OLIG1: variants seen among roughly 807,000 people sequenced by gnomAD.
The protein encoded by OLIG1 is oligodendrocyte transcription factor 1, also known as basic domain, helix-loop-helix protein, class B, 6.
Under a neutral mutation model 13.5 loss-of-function variants are expected in OLIG1, and 9 were observed. The ratio of observed to expected loss-of-function variants is 0.67; its 90% CI spans 0.40 to 1.17. The LOEUF (loss-of-function observed/expected upper bound fraction) is 1.17. Ranked by LOEUF, OLIG1 falls within the 50% of genes most tolerant of loss-of-function variation. OLIG1 has a pLI of 0.01. For missense variants in OLIG1, 362 were observed against 392.2 expected, an observed-to-expected ratio of 0.92 and a Z score of 0.65; for synonymous variants, 215 against 208.3, an observed-to-expected ratio of 1.03 and a Z score of -0.28.
Position 33,071,369 on chromosome 21 carries a change from G to A in OLIG1, c.*307G>A. 1 of 234,028 alleles carries A rather than the reference G, an allele frequency of 4.3e-6. No homozygotes were observed. Among genetic ancestry groups the A allele is most frequent in the Non-Finnish European group, 9.0e-6 (1 of 111,440 alleles). The allele number at this position is 234,028 out of a possible 1,614,324, so 14.5% of individuals were successfully genotyped here. A position where few individuals can be genotyped will look rare whatever the true frequency, so the allele number is the denominator to read the frequency against. On this transcript the variant is annotated 3_prime_UTR_variant, in exon 1 of 1. Transcript: ENST00000382348. This position sits in a 1 kb window ranked among gnomAD's most constrained non-coding sequence, Gnocchi z 6.0. ...TCTCTCCTTGTCCCTGGAGTTGCGC[G>A]CTTCGCGGGGCCGATGTAGAACTTA...
In OLIG1 at chr21:33,070,507, C is replaced by T. The variant is rs1036655291; in HGVS notation, c.261C>T (p.Gly87=). The T allele has an allele frequency of 2.0e-6, 3 of 1,502,350 alleles. No individual in the cohort carries two copies. Among genetic ancestry groups the T allele is most frequent in the African/African-American group, 2.9e-5 (2 of 68,834 alleles). 93.1% of individuals were successfully genotyped at this position (1,502,350 alleles called of 1,614,324 possible). A position where few individuals can be genotyped will look rare whatever the true frequency, so the allele number is the denominator to read the frequency against. ...AEPPGPGPGS[G]AHPGGSARPD... The stretch of plus-strand genomic sequence containing the variant: ...CTCCAGGCCCCGGGCCCGGGTCAGG[C>T]GCGCACCCGGGCGGCAGCGCCCGGC... The change falls in exon 1 of 1, where the codon GGC becomes GGT. Residue 87 remains glycine, a synonymous_variant. Transcript: ENST00000382348. The surrounding 1 kb of genome is among the most constrained non-coding windows in gnomAD (Gnocchi z 5.9).
rs1982188896 is a variant in OLIG1 at position 33,070,514 on chromosome 21, C to A, written c.268C>A (p.Pro90Thr). Residue 90 changes from proline (P) to threonine (T), a missense_variant, in exon 1 of 1, where the codon CCG (proline) becomes ACG (threonine). Pro to Thr is a conservative substitution (Grantham distance 38). Around this residue, in one of 3 missense-constraint regions of OLIG1, gnomAD observed 206 missense variants for 197.2 expected, o/e 1.04. Transcript: ENST00000382348. This position sits in a 1 kb window ranked among gnomAD's most constrained non-coding sequence, Gnocchi z 5.9. The stretch of plus-strand genomic sequence containing the variant: ...CCCCGGGCCCGGGTCAGGCGCGCAC[C>A]CGGGCGGCAGCGCCCGGCCGGACGC... ...PGPGPGSGAH[P>T]GGSARPDAKE... is the part of the protein sequence containing the mutation. 2 of 1,499,026 alleles carry A rather than the reference C, an allele frequency of 1.3e-6. No homozygotes were observed. The highest frequency in any genetic ancestry group is 1.8e-6 in the Non-Finnish European group (2 of 1,129,998). The allele number at this position is 1,499,026 out of a possible 1,614,324, so 92.9% of individuals were successfully genotyped here. A position where few individuals can be genotyped will look rare whatever the true frequency, so the allele number is the denominator to read the frequency against.
rs1170507348 is a variant in OLIG1 at position 33,070,529 on chromosome 21, C to T, written c.283C>T (p.Arg95Trp). 51 of 1,499,984 alleles carry T rather than the reference C, an allele frequency of 3.4e-5. No individual in the cohort carries two copies. The highest frequency in any genetic ancestry group is 4.2e-5 in the Non-Finnish European group (47 of 1,130,440). 92.9% of individuals were successfully genotyped at this position (1,499,984 alleles called of 1,614,324 possible). Residue 95 changes from arginine to tryptophan, a missense_variant, in exon 1 of 1, where the codon CGG becomes TGG. By Grantham distance (101) the Arg-to-Trp change is moderately radical. Around this residue, in one of 3 missense-constraint regions of OLIG1, gnomAD observed 206 missense variants for 197.2 expected, o/e 1.04. Transcript: ENST00000382348. This position sits in a 1 kb window ranked among gnomAD's most constrained non-coding sequence, Gnocchi z 5.9. ...AGGCGCGCACCCGGGCGGCAGCGCC[C>T]GGCCGGACGCCAAGGAGGAGCAGCA... ...GSGAHPGGSA[R>W]PDAKEEQQQQ...
Position 33,070,927 on chromosome 21 carries a change from G to C in OLIG1, c.681G>C (p.Pro227=). 5 of 1,446,232 alleles carry C rather than the reference G, an allele frequency of 3.5e-6. No individual in the cohort carries two copies. Among genetic ancestry groups the C allele is most frequent in the Non-Finnish European group, 4.5e-6 (5 of 1,105,792 alleles). The allele number at this position is 1,446,232 out of a possible 1,614,324, so 89.6% of individuals were successfully genotyped here. ...ACCTGTCGCTGGCGCTGGACGAGCC[G>C]CCGTGCGGCCAGTTCGCTCTCCCCG... The part of the protein sequence containing the change: ...AKYLSLALDE[P]PCGQFALPGG... The change falls in exon 1 of 1, where the codon CCG becomes CCC. Residue 227 remains proline (P), a synonymous_variant. Coordinates refer to ENST00000382348, the MANE Select transcript of OLIG1 (RefSeq NM_138983.3). This position sits in a 1 kb window ranked among gnomAD's most constrained non-coding sequence, Gnocchi z 5.9.
chr21:33,070,541 A>AAGGAGGAGC lies in OLIG1; in HGVS notation c.298_306dup (p.Glu100_Gln102dup). On this transcript the variant is annotated inframe_insertion, in exon 1 of 1. Transcript: ENST00000382348. This position sits in a 1 kb window ranked among gnomAD's most constrained non-coding sequence, Gnocchi z 5.9. ...GGGCGGCAGCGCCCGGCCGGACGCC[A>AAGGAGGAGC]AGGAGGAGCAGCAGCAGCAGCTGCG... The AAGGAGGAGC allele has an allele frequency of 6.6e-7, 1 of 1,508,078 alleles. No individual in the cohort carries two copies. The highest frequency in any genetic ancestry group is 8.8e-7 in the Non-Finnish European group (1 of 1,134,092). 93.4% of individuals were successfully genotyped at this position (1,508,078 alleles called of 1,614,324 possible). A position where few individuals can be genotyped will look rare whatever the true frequency, so the allele number is the denominator to read the frequency against.
Position 33,070,215 on chromosome 21 carries a change from G to A in OLIG1, c.-32G>A. The A allele has an allele frequency of 6.7e-7, 1 of 1,494,008 alleles. No individual in the cohort carries two copies. Among genetic ancestry groups the A allele is most frequent in the Non-Finnish European group, 8.9e-7 (1 of 1,117,442 alleles). The allele number at this position is 1,494,008 out of a possible 1,614,324, so 92.5% of individuals were successfully genotyped here. ...CGGCCCACCCCAGGGCGTTCCTGAA[G>A]GGCGTCCTCGGCCGCCCCCACCGCC... On this transcript the variant is annotated 5_prime_UTR_variant, in exon 1 of 1. Coordinates refer to ENST00000382348, the MANE Select transcript of OLIG1 (RefSeq NM_138983.3). The surrounding 1 kb of genome is among the most constrained non-coding windows in gnomAD (Gnocchi z 5.9).
chr21:33,071,035 C>T lies in OLIG1; in HGVS notation c.789C>T (p.Ala263=). 1 of 1,509,590 alleles carries T rather than the reference C, an allele frequency of 6.6e-7. No individual in the cohort carries two copies. The highest frequency in any genetic ancestry group is 1.4e-5 in the African/African-American group (1 of 69,188). The allele number at this position is 1,509,590 out of a possible 1,614,324, so 93.5% of individuals were successfully genotyped here. Residue 263 remains alanine (A), a synonymous_variant, in exon 1 of 1, where the codon GCC becomes GCT. Transcript: ENST00000382348. The surrounding 1 kb of genome is among the most constrained non-coding windows in gnomAD (Gnocchi z 6.0). ...TGGTCCCGGCCAGCCTGGGCCTGGC[C>T]GCCGTGCAGGCGCAATTCTCCAAGT... The part of the protein sequence containing the change: ...PHLVPASLGL[A]AVQAQFSK
rs914351140 is a variant in OLIG1 at position 33,071,825 on chromosome 21, G to GTT, written c.*766_*767dup. 4 of 167,096 alleles carry GTT rather than the reference G, an allele frequency of 2.4e-5. No individual in the cohort carries two copies. Among genetic ancestry groups the GTT allele is most frequent in the African/African-American group, 9.7e-5 (4 of 41,446 alleles). The allele number at this position is 167,096 out of a possible 1,614,324, so 10.4% of individuals were successfully genotyped here. On this transcript the variant is annotated 3_prime_UTR_variant, in exon 1 of 1. Transcript: ENST00000382348. The surrounding 1 kb of genome is among the most constrained non-coding windows in gnomAD (Gnocchi z 6.0). ...CGTATCCAGTGTTTTGTCGCAGAGA[G>GTT]TTTTCGCTCTTAAATCCTGGGGGTT...
In OLIG1 at chr21:33,070,208, TC is replaced by T; in HGVS notation, c.-37del. Reference sequence around the variant, plus strand: ...TGCCGACCGGCCCACCCCAGGGCGTTCCTGAAGGGCGTCCTCGGCCGCCCCC... The same window carrying T: ...TGCCGACCGGCCCACCCCAGGGCGTTCTGAAGGGCGTCCTCGGCCGCCCCC... On this transcript the variant is annotated 5_prime_UTR_variant, in exon 1 of 1. Transcript: ENST00000382348. The surrounding 1 kb of genome is among the most constrained non-coding windows in gnomAD (Gnocchi z 5.9). The T allele has an allele frequency of 6.7e-7, 1 of 1,485,518 alleles. No individual in the cohort carries two copies. The highest frequency in any genetic ancestry group is 1.4e-5 in the African/African-American group (1 of 69,092). 92.0% of individuals were successfully genotyped at this position (1,485,518 alleles called of 1,614,324 possible). A position where few individuals can be genotyped will look rare whatever the true frequency, so the allele number is the denominator to read the frequency against.
chr21:33,071,546 G>T lies in OLIG1; in HGVS notation c.*484G>T. On this transcript the variant is annotated 3_prime_UTR_variant, in exon 1 of 1. Transcript: ENST00000382348. The surrounding 1 kb of genome is among the most constrained non-coding windows in gnomAD (Gnocchi z 6.0). ...GGGGTGGTTCTTTTCCTTCTCCTCC[G>T]CCAGAGGCCACGGGCGCCCTTGTTC... The T allele has an allele frequency of 6.1e-6, 1 of 164,568 alleles. No homozygotes were observed. The allele number at this position is 164,568 out of a possible 1,614,324, so 10.2% of individuals were successfully genotyped here. A position where few individuals can be genotyped will look rare whatever the true frequency, so the allele number is the denominator to read the frequency against.
Position 33,070,558 on chromosome 21 carries a change from G to A in OLIG1, c.312G>A (p.Gln104=), listed in dbSNP as rs1433295193. The change falls in exon 1 of 1, where the codon CAG becomes CAA. Residue 104 remains glutamine, a synonymous_variant. Coordinates refer to ENST00000382348, the MANE Select transcript of OLIG1 (RefSeq NM_138983.3). This position sits in a 1 kb window ranked among gnomAD's most constrained non-coding sequence, Gnocchi z 5.9. The part of the protein sequence containing the change: ...ARPDAKEEQQ[Q]QLRRKINSRE... The stretch of plus-strand genomic sequence containing the variant: ...CGGACGCCAAGGAGGAGCAGCAGCA[G>A]CAGCTGCGGCGCAAGATCAACAGCC... The A allele has an allele frequency of 6.6e-7, 1 of 1,523,432 alleles. No homozygotes were observed. Among genetic ancestry groups the A allele is most frequent in the Non-Finnish European group, 8.8e-7 (1 of 1,141,854 alleles). The allele number at this position is 1,523,432 out of a possible 1,614,324, so 94.4% of individuals were successfully genotyped here.
rs552498250 is a variant in OLIG1, at chr21:33,070,370, C to CCCTCCT, written c.139_144dup (p.Ser47_Ser48dup). 5,534 of 1,539,772 alleles carry CCCTCCT rather than the reference C, an allele frequency of 3.6e-3. 13 individuals are homozygous for CCCTCCT. The highest frequency in any genetic ancestry group is 4.3e-3 in the Non-Finnish European group (4,902 of 1,143,608). On this transcript the variant is annotated inframe_insertion, in exon 1 of 1. Transcript: ENST00000382348. The surrounding 1 kb of genome is among the most constrained non-coding windows in gnomAD (Gnocchi z 5.9). ...CGAGCTGGTGGGCTACAGGCAGCCGCCCTCCTCCTCCTCCTCCTCCACCTC... is the reference window on the plus strand; with the variant it reads ...CGAGCTGGTGGGCTACAGGCAGCCGCCCTCCTCCTCCTCCTCCTCCTCCTCCACCTC...
chr21:33,070,873 A>AC lies in OLIG1; in HGVS notation c.633dup (p.Asp212ArgfsTer121). The AC allele has an allele frequency of 1.6e-6, 2 of 1,279,216 alleles. No homozygotes were observed. Among genetic ancestry groups the AC allele is most frequent in the East Asian group, 3.3e-5 (1 of 30,574 alleles). The allele number at this position is 1,279,216 out of a possible 1,614,324, so 79.2% of individuals were successfully genotyped here. A position where few individuals can be genotyped will look rare whatever the true frequency, so the allele number is the denominator to read the frequency against. ...TGCTGCTGGCGCCCGGCGCCGTAGG[A>AC]CCCCCCGACGCGCTGCGCCCCGCCA... On this transcript the variant is annotated frameshift_variant, in exon 1 of 1. Transcript: ENST00000382348. LOFTEE classifies it high-confidence loss of function. This position sits in a 1 kb window ranked among gnomAD's most constrained non-coding sequence, Gnocchi z 5.9.
At position 33,071,038 on chromosome 21, in the gene OLIG1, C is replaced by A. The variant is rs369461854; in HGVS notation, c.792C>A (p.Ala264=). 5.5e-3 allele frequency: 8,245 copies of A among 1,508,888 alleles called. 28 individuals carry two copies. The highest frequency in any genetic ancestry group is 6.7e-3 in the Non-Finnish European group (7,574 of 1,133,856). 93.5% of individuals were successfully genotyped at this position (1,508,888 alleles called of 1,614,324 possible). A position where few individuals can be genotyped will look rare whatever the true frequency, so the allele number is the denominator to read the frequency against. ...TCCCGGCCAGCCTGGGCCTGGCCGC[C>A]GTGCAGGCGCAATTCTCCAAGTGAG... ...HLVPASLGLA[A]VQAQFSK The change falls in exon 1 of 1, where the codon GCC becomes GCA. Residue 264 remains alanine, a synonymous_variant. Coordinates refer to ENST00000382348, the MANE Select transcript of OLIG1 (RefSeq NM_138983.3). The surrounding 1 kb of genome is among the most constrained non-coding windows in gnomAD (Gnocchi z 6.0).
Position 33,070,192 on chromosome 21 carries a change from G to A in OLIG1, c.-55G>A. The A allele has an allele frequency of 7.0e-7, 1 of 1,432,568 alleles. No homozygotes were observed. Among genetic ancestry groups the A allele is most frequent in the South Asian group, 1.4e-5 (1 of 69,032 alleles). 88.7% of individuals were successfully genotyped at this position (1,432,568 alleles called of 1,614,324 possible). A position where few individuals can be genotyped will look rare whatever the true frequency, so the allele number is the denominator to read the frequency against. The stretch of plus-strand genomic sequence containing the variant: ...GCGGGGAGGGGCGGCCTGCCGACCG[G>A]CCCACCCCAGGGCGTTCCTGAAGGG... On this transcript the variant is annotated 5_prime_UTR_variant, in exon 1 of 1. Coordinates refer to ENST00000382348, the MANE Select transcript of OLIG1 (RefSeq NM_138983.3). This position sits in a 1 kb window ranked among gnomAD's most constrained non-coding sequence, Gnocchi z 5.9.
In OLIG1 at chr21:33,070,935, G is replaced by C; in HGVS notation, c.689G>C (p.Gly230Ala). 4 of 1,454,518 alleles carry C rather than the reference G, an allele frequency of 2.8e-6. No individual in the cohort carries two copies. In the South Asian group the frequency reaches 5.3e-5, roughly 19 times the overall value. 90.1% of individuals were successfully genotyped at this position (1,454,518 alleles called of 1,614,324 possible). A position where few individuals can be genotyped will look rare whatever the true frequency, so the allele number is the denominator to read the frequency against. The stretch of plus-strand genomic sequence containing the variant: ...CTGGCGCTGGACGAGCCGCCGTGCG[G>C]CCAGTTCGCTCTCCCCGGCGGCGGC... ...LSLALDEPPCGQFALPGGGAG... is the reference protein window; with the variant it reads ...LSLALDEPPCAQFALPGGGAG... Residue 230 changes from glycine to alanine, a missense_variant, in exon 1 of 1, where the codon GGC (glycine) becomes GCC (alanine). Physicochemically the swap from Gly to Ala is moderately conservative, Grantham distance 60. This residue lies in a region of OLIG1 where 94 missense variants were observed against 146.0 expected (regional missense o/e 0.64). Coordinates refer to ENST00000382348, the MANE Select transcript of OLIG1 (RefSeq NM_138983.3). The surrounding 1 kb of genome is among the most constrained non-coding windows in gnomAD (Gnocchi z 5.9).
rs1419908227 is a variant in OLIG1, at chr21:33,070,393, C to T, written c.147C>T (p.Thr49=). 2 of 1,539,328 alleles carry T rather than the reference C, an allele frequency of 1.3e-6. No individual in the cohort carries two copies. Among genetic ancestry groups the T allele is most frequent in the Non-Finnish European group, 1.7e-6 (2 of 1,144,458 alleles). Residue 49 remains threonine, a synonymous_variant, in exon 1 of 1, where the codon ACC becomes ACT. Transcript: ENST00000382348. The surrounding 1 kb of genome is among the most constrained non-coding windows in gnomAD (Gnocchi z 5.9). Reference sequence around the variant, plus strand: ...CGCCCTCCTCCTCCTCCTCCTCCACCTCCTCCACCTCCTCCACTTCCTCCT... The same window carrying T: ...CGCCCTCCTCCTCCTCCTCCTCCACTTCCTCCACCTCCTCCACTTCCTCCT... ...RQPPSSSSSS[T]SSTSSTSSSS...
In OLIG1 at chr21:33,070,221, C is replaced by G; in HGVS notation, c.-26C>G. On this transcript the variant is annotated 5_prime_UTR_variant, in exon 1 of 1. Coordinates refer to ENST00000382348, the MANE Select transcript of OLIG1 (RefSeq NM_138983.3). The surrounding 1 kb of genome is among the most constrained non-coding windows in gnomAD (Gnocchi z 5.9). Reference sequence around the variant, plus strand: ...ACCCCAGGGCGTTCCTGAAGGGCGTCCTCGGCCGCCCCCACCGCCTCCCAG... The same window carrying G: ...ACCCCAGGGCGTTCCTGAAGGGCGTGCTCGGCCGCCCCCACCGCCTCCCAG... 6.7e-7 allele frequency: 1 copy of G among 1,499,936 alleles called. No individual in the cohort carries two copies. Among genetic ancestry groups the G allele is most frequent in the Non-Finnish European group, 8.9e-7 (1 of 1,120,026 alleles). The allele number at this position is 1,499,936 out of a possible 1,614,324, so 92.9% of individuals were successfully genotyped here. A position where few individuals can be genotyped will look rare whatever the true frequency, so the allele number is the denominator to read the frequency against.
Position 33,070,668 on chromosome 21 carries a change from AG to A in OLIG1, c.425del (p.Gly142AlafsTer10). ...VILPYSAAHC[Q>X]GAPGRKLSKI... The stretch of plus-strand genomic sequence containing the variant: ...CTGCCCTACTCAGCGGCGCACTGCC[AG>A]GGCGCGCCCGGCCGCAAGCTCTCCA... On this transcript the variant is annotated frameshift_variant, in exon 1 of 1. Transcript: ENST00000382348. LOFTEE classifies it high-confidence loss of function. This position sits in a 1 kb window ranked among gnomAD's most constrained non-coding sequence, Gnocchi z 5.9. 6.5e-7 allele frequency: 1 copy of A among 1,548,856 alleles called. No individual in the cohort carries two copies.
Sources: gnomAD v4.1 joint callset for allele counts on GRCh38, gnomAD v4.1.1 for gene constraint, gnomAD v4.1.1 regional missense constraint, Gnocchi (gnomAD v3.1) non-coding constraint, MANE v1.5 for transcripts, NCBI Gene and HGNC (gene_info 2026-07-23, HGNC 2026-07-21) for gene names.